KIF15: variants seen among roughly 807,000 people sequenced by gnomAD.
KIF15 encodes the protein kinesin family member 15.
In KIF15, 140 loss-of-function variants were observed where a neutral mutation model predicts 190.6. That is an observed-to-expected ratio of 0.73 (90% CI 0.64 to 0.84). The LOEUF (loss-of-function observed/expected upper bound fraction) is 0.84, where lower values mean the gene tolerates loss of function less well. Among genes scored for constraint, KIF15 ranks in the 40% least tolerant of loss-of-function variants. The pLI is 0.00. For missense variants in KIF15, 1,372 were observed against 1,584.4 expected (o/e 0.87, Z 2.28); for synonymous variants, 528 against 551.3 (o/e 0.96, Z 0.59).
intron 6 of KIF15, among the ~76,000 whole-genome samples, chr3:44,860,232 T>G (rs1268136067): frequency 6.6e-6 from 1 of 152,212 alleles, no homozygotes; most frequent in Non-Finnish European, 1.5e-5. Flanking sequence ...CAACACCTCT[T>G]GATTTCCTGA....
chr3:44,828,288 A>G lies in KIF15; in HGVS notation c.2931A>G (p.Arg977=). The change falls in exon 24 of 35, where the codon AGA becomes AGG. Residue 977 remains arginine, a synonymous_variant. Transcript: ENST00000326047. ...EKVISSLEKS[R]DSDKKVVADL... ...TGATCAGTTCCCTGGAAAAGTCTAG[A>G]GATTCTGATAAGGTTGGTAGAGTTT... 1.2e-6 allele frequency: 2 copies of G among 1,608,782 alleles called. No individual in the cohort carries two copies. The highest frequency in any genetic ancestry group is 1.1e-5 in the South Asian group (1 of 90,962).
intron 16 of KIF15, 32 bp downstream of exon 16, chr3:44,806,018 A>G (rs1200532386): frequency 1.9e-6 from 3 of 1,603,100 alleles, no homozygotes; most frequent in Non-Finnish European, 2.6e-6. Flanking sequence ...TCCACCTTAA[A>G]TCAGTGCAAT....
intron 1 of KIF15, among the ~76,000 whole-genome samples, chr3:44,772,920 G>C (rs1705702044): frequency 1.3e-5 from 2 of 152,166 alleles, no homozygotes; most frequent in African/African-American, 4.8e-5. Flanking sequence ...CCATTAACCA[G>C]TTTGCCGGGC....
chr3:44,800,618 G>C (rs1464721029), intron 11 of KIF15, among the ~76,000 whole-genome samples, 181 bp downstream of exon 11: 1 of 152,162 alleles, frequency 6.6e-6, no homozygotes, highest in African/African-American at 2.4e-5. Flanking sequence ...GATACCATAG[G>C]CAGTGAGAAG....
Position 44,828,210 on chromosome 3 carries a change from A to G in KIF15, c.2857-4A>G. ...CTTCTAAAAATATTTCTTTTTCACC[A>G]TAGATGGCAAAAGTACAGAAACTAG... On this transcript the variant is annotated splice_polypyrimidine_tract_variant and splice_region_variant and intron_variant, in intron 23 of 34. Coordinates refer to ENST00000326047, the MANE Select transcript of KIF15 (RefSeq NM_020242.3). The G allele has an allele frequency of 2.5e-6, 4 of 1,607,600 alleles. No homozygotes were observed. The highest frequency in any genetic ancestry group is 3.4e-6 in the Non-Finnish European group (4 of 1,174,538).
At chr3:44,815,830 A>G (rs1465156623) in intron 20 of KIF15, among the ~76,000 whole-genome samples, 1 of 152,234 alleles carries the variant, frequency 6.6e-6, no homozygotes, top group African/African-American at 2.4e-5. Context: ...AATAATGGAC[A>G]TGAATGTTAC....
At chr3:44,844,017 G>A (rs1698732219) in intron 30 of KIF15, among the ~76,000 whole-genome samples, 1 of 152,178 alleles carries the variant, frequency 6.6e-6, no homozygotes, top group South Asian at 2.1e-4. Context: ...AACTTTCTGA[G>A]TGAGAGTTTG....
At chr3:44,770,117 G>C (rs1705579027) in intron 1 of KIF15, among the ~76,000 whole-genome samples, 1 of 152,108 alleles carries the variant, frequency 6.6e-6, no homozygotes, top group South Asian at 2.1e-4. Flanking sequence ...AAACGAACTA[G>C]GCAAAAAACT....
downstream of KIF15, among the ~76,000 whole-genome samples, chr3:44,856,680 C>T (rs1699192520): frequency 6.6e-6 from 1 of 152,096 alleles, no homozygotes; most frequent in African/African-American, 2.4e-5. Context: ...TAAGCATTGC[C>T]CTGAGCGATA....
intron 7 of KIF15, among the ~76,000 whole-genome samples, chr3:44,790,655 C>T (rs573217102): frequency 6.7e-6 from 1 of 150,276 alleles, no homozygotes; most frequent in East Asian, 1.9e-4. Context: ...TTTTGATTAC[C>T]ATTTGCCTGG....
intron 7 of KIF15, among the ~76,000 whole-genome samples, chr3:44,789,691 T>TATATATATAAAA (rs1200236750): frequency 1.8e-5 from 2 of 109,778 alleles, no homozygotes; most frequent in African/African-American, 7.3e-5. Context: ...TATATATATA[T>TATATATATAAAA]AAAATAGATA....
At chr3:44,798,071 A>G in intron 10 of KIF15, 115 bp downstream of exon 10, 2 of 970,094 alleles carry the variant, frequency 2.1e-6, no homozygotes, top group East Asian at 2.8e-5. Context: ...TTCTCATTGT[A>G]TGCAAAATTT....
chr3:44,825,988 G>A (rs781443874), intron 20 of KIF15, 51 bp from the exon 21 acceptor site: 3 of 1,472,054 alleles, frequency 2.0e-6, no homozygotes, highest in African/African-American at 2.9e-5. Context: ...CTGATTAATA[G>A]AAATACATTA....
chr3:44,840,305 T>C (rs759853694), intron 27 of KIF15, 50 bp from the exon 28 acceptor site: 30 of 1,070,694 alleles, frequency 2.8e-5, no homozygotes, highest in Admixed American at 1.4e-4. Context: ...ATTTGGACCA[T>C]GTACCCCATA....
At position 44,829,542 on chromosome 3, in the gene KIF15, T is replaced by TTATATATGTATATATTATATATG. The variant is rs1553658655; in HGVS notation, c.2944-421_2944-399dup. ...ATTATATGTATATAATATGTATATA[T>TTATATATGTATATATTATATATG]TATATATGTATATATTATATATGTA... is the stretch of plus-strand genomic sequence containing the variant. On this transcript the variant is annotated intron_variant, in intron 24 of 34. Transcript: ENST00000326047. Among the ~76,000 whole-genome samples, 33 of 117,882 alleles carry TTATATATGTATATATTATATATG rather than the reference T, an allele frequency of 2.8e-4. 1 individual carries two copies. Among genetic ancestry groups the TTATATATGTATATATTATATATG allele is most frequent in the African/African-American group, 1.0e-3 (29 of 27,708 alleles). The allele number at this position is 117,882 out of a possible 152,430, so 77.3% of individuals were successfully genotyped here. A position where few individuals can be genotyped will look rare whatever the true frequency, so the allele number is the denominator to read the frequency against.
chr3:44,768,955 G>T lies in KIF15; in HGVS notation c.20-5440G>T, dbSNP rs543063345. On this transcript the variant is annotated intron_variant, in intron 1 of 34. Coordinates refer to ENST00000326047, the MANE Select transcript of KIF15 (RefSeq NM_020242.3). Reference sequence around the variant, plus strand: ...AGAAGTCATGCTCGAAAATCCCGAGGCCTTTTACTGGTTTGCACAGGGAGA... The same window carrying T: ...AGAAGTCATGCTCGAAAATCCCGAGTCCTTTTACTGGTTTGCACAGGGAGA... Among the ~76,000 whole-genome samples, 223 of 152,236 alleles carry T rather than the reference G, an allele frequency of 1.5e-3. 3 individuals carry two copies. Among genetic ancestry groups the T allele is most frequent in the African/African-American group, 4.7e-3 (195 of 41,540 alleles).
intron 6 of KIF15, chr3:44,862,283 CGGGCGGCGCT>C (rs1381650557): frequency 1.3e-5 from 4 of 303,682 alleles, no homozygotes; most frequent in Non-Finnish European, 1.9e-5. Context: ...CCCCGGGCCG[CGGGCGGCGCT>C]GCGGTCAGCT....
chr3:44,785,028 G>A, intron 6 of KIF15, 86 bp downstream of exon 6: 1 of 685,676 alleles, frequency 1.5e-6, no homozygotes, highest in Non-Finnish European at 2.5e-6. Context: ...GATACATGGT[G>A]GAGCATGGAT....
At chr3:44,865,529 T>C in intron 6 of KIF15, 1 of 256,556 alleles carries the variant, frequency 3.9e-6, no homozygotes, top group South Asian at 8.9e-5. Context: ...AAGCCAGTCA[T>C]GTAACTCTAG....
Sources: gnomAD v4.1 joint callset for allele counts (sites outside exome capture counted in the v4.1 genomes callset) on GRCh38, gnomAD v4.1.1 for gene constraint, MANE v1.5 for transcripts, NCBI Gene and HGNC (gene_info 2026-07-23, HGNC 2026-07-21) for gene names.